PPARGC1A: variants seen among roughly 807,000 people sequenced by gnomAD.
PPARGC1A encodes the protein peroxisome proliferator-activated receptor gamma coactivator 1-alpha.
A neutral mutation model predicts 88.7 loss-of-function variants in PPARGC1A; 25 were observed. That is an observed-to-expected ratio of 0.28 (90% CI 0.21 to 0.39). PPARGC1A has a LOEUF of 0.39. Among genes scored for constraint, PPARGC1A ranks in the 10% least tolerant of loss-of-function variants. The pLI is 1.00. For missense variants in PPARGC1A, 880 were observed against 968.7 expected (o/e 0.91, Z 1.22); for synonymous variants, 363 against 355.6 (o/e 1.02, Z -0.24).
Position 23,828,455 on chromosome 4 carries a change from G to C in PPARGC1A, c.702C>G (p.Asp234Glu). 6.2e-7 allele frequency: 1 copy of C among 1,614,084 alleles called. No individual in the cohort carries two copies. The highest frequency in any genetic ancestry group is 8.5e-7 in the Non-Finnish European group (1 of 1,179,998). ...GGGACTTCTTTTTGGAGGTGCATTTGTCTCTGCTGCTGTTTCTGTTCTCTG... is the reference window on the plus strand; with the variant it reads ...GGGACTTCTTTTTGGAGGTGCATTTCTCTCTGCTGCTGTTTCTGTTCTCTG... ...KPTENRNSSR[D>E]KCTSKKKSHT... Residue 234 changes from aspartate to glutamate, a missense_variant, in exon 5 of 13, where the codon GAC (aspartate) becomes GAG (glutamate). Physicochemically the swap from Asp to Glu is conservative, Grantham distance 45. Transcript: ENST00000264867.
the PPARGC1A span, among the ~76,000 whole-genome samples, chr4:24,289,849 C>T: frequency 2.0e-5 from 3 of 152,104 alleles, no homozygotes; most frequent in African/African-American, 7.2e-5. Context: ...TTAGTCTGTT[C>T]TCACACTGCT....
At chr4:24,272,344 A>G in the PPARGC1A span, among the ~76,000 whole-genome samples, 1 of 152,112 alleles carries the variant, frequency 6.6e-6, no homozygotes, top group African/African-American at 2.4e-5. Context: ...GTATGGATCC[A>G]GGATACACCC....
At chr4:24,465,794 T>A in the PPARGC1A span, among the ~76,000 whole-genome samples, 6 of 152,180 alleles carry the variant, frequency 3.9e-5, no homozygotes, top group African/African-American at 1.2e-4. Context: ...TGGACATAAA[T>A]GTTAGGCGCA....
upstream of PPARGC1A, among the ~76,000 whole-genome samples, chr4:23,903,371 AGTCGGT>A (rs1256872233): frequency 5.3e-5 from 8 of 152,224 alleles, no homozygotes; most frequent in African/African-American, 1.9e-4. Context: ...TATAATTTGC[AGTCGGT>A]GAAGATATTT....
At chr4:24,129,406 A>T in the PPARGC1A span, among the ~76,000 whole-genome samples, 1 of 152,198 alleles carries the variant, frequency 6.6e-6, no homozygotes, top group Non-Finnish European at 1.5e-5. Flanking sequence ...CACCTAGCAA[A>T]TGGCTCATTA....
the PPARGC1A span, among the ~76,000 whole-genome samples, chr4:24,160,029 T>C: frequency 6.6e-6 from 1 of 152,198 alleles, no homozygotes; most frequent in African/African-American, 2.4e-5. Context: ...ACAAATCTAC[T>C]ATACCAAGTG....
the PPARGC1A span, among the ~76,000 whole-genome samples, chr4:24,033,410 G>GACAC: frequency 0.21 from 31,530 of 150,794 alleles, 3,319 homozygotes; most frequent in East Asian, 0.29. Context: ...TAGACAGACA[G>GACAC]ACACACACAC....
chr4:24,307,497 T>C, the PPARGC1A span, among the ~76,000 whole-genome samples: 1 of 152,220 alleles, frequency 6.6e-6, no homozygotes, highest in African/African-American at 2.4e-5. Flanking sequence ...TTGAGCACTC[T>C]TGGGAATTTG....
the PPARGC1A span, among the ~76,000 whole-genome samples, chr4:24,427,098 G>T: frequency 1.3e-5 from 2 of 152,144 alleles, no homozygotes; most frequent in Admixed American, 6.5e-5. Flanking sequence ...ATGATGCTGA[G>T]AATTAACTGC....
the PPARGC1A span, among the ~76,000 whole-genome samples, chr4:24,237,237 A>G: frequency 2.7e-4 from 40 of 150,356 alleles, no homozygotes; most frequent in African/African-American, 9.6e-4. Flanking sequence ...TAATTCCGAG[A>G]TTGGATTTTT....
chr4:23,955,493 TTTTC>T, the PPARGC1A span, among the ~76,000 whole-genome samples: 1 of 152,176 alleles, frequency 6.6e-6, no homozygotes, highest in Non-Finnish European at 1.5e-5. Context: ...AAAGGAGCAA[TTTTC>T]TTTATTACTA....
At chr4:23,980,468 G>T in the PPARGC1A span, among the ~76,000 whole-genome samples, 1 of 151,958 alleles carries the variant, frequency 6.6e-6, no homozygotes, top group African/African-American at 2.4e-5. Flanking sequence ...TGTTCTTTTG[G>T]TCACTCTACT....
chr4:24,157,369 C>T, the PPARGC1A span, among the ~76,000 whole-genome samples: 1 of 152,186 alleles, frequency 6.6e-6, no homozygotes, highest in African/African-American at 2.4e-5. Context: ...CTCTGGGGGA[C>T]TCCTTCAGAA....
intron 2 of PPARGC1A, among the ~76,000 whole-genome samples, chr4:23,852,420 T>C (rs1344589310): frequency 6.6e-6 from 1 of 150,762 alleles, no homozygotes; most frequent in Non-Finnish European, 1.5e-5. Context: ...AGATTTCCAC[T>C]GTCTCCACCC....
chr4:24,094,940 CTT>C, the PPARGC1A span, among the ~76,000 whole-genome samples: 5 of 152,138 alleles, frequency 3.3e-5, no homozygotes, highest in African/African-American at 1.2e-4. Context: ...AACTCTAAGT[CTT>C]TTATTTCAAG....
At chr4:23,831,854 T>C in intron 2 of PPARGC1A, 103 bp from the exon 3 acceptor site, 2 of 893,390 alleles carry the variant, frequency 2.2e-6, no homozygotes, top group Non-Finnish European at 3.5e-6. Context: ...ACGTGAAATC[T>C]AGAATGCCCA....
intron 2 of PPARGC1A, among the ~76,000 whole-genome samples, chr4:23,859,549 A>G (rs2148704456): frequency 6.6e-6 from 1 of 152,258 alleles, no homozygotes; most frequent in African/African-American, 2.4e-5. Context: ...TGGGAGGTCG[A>G]GGTGGGTGGA....
At chr4:24,011,223 TTC>T in the PPARGC1A span, among the ~76,000 whole-genome samples, 6 of 152,124 alleles carry the variant, frequency 3.9e-5, no homozygotes, top group Non-Finnish European at 7.4e-5. Context: ...GGTCAAAACT[TTC>T]TGTCCCTTCT....
the PPARGC1A span, among the ~76,000 whole-genome samples, chr4:24,136,106 A>T: frequency 6.6e-6 from 1 of 152,188 alleles, no homozygotes; most frequent in Non-Finnish European, 1.5e-5. Flanking sequence ...TGCCCTGATC[A>T]TTTTAATGAG....
Sources: gnomAD v4.1 joint callset for allele counts (sites outside exome capture counted in the v4.1 genomes callset) on GRCh38, gnomAD v4.1.1 for gene constraint, MANE v1.5 for transcripts, NCBI Gene and HGNC (gene_info 2026-07-23, HGNC 2026-07-21) for gene names.